The following UTRN variants were observed in gnomAD, a reference collection of about 807,000 sequenced individuals.
The protein encoded by UTRN is dystrophin-related protein 1.
Under a neutral mutation model 463.9 loss-of-function variants are expected in UTRN, and 283 were observed. The observed-to-expected ratio is 0.61, with a 90% confidence interval of 0.55 to 0.67. The LOEUF is 0.67. Among genes scored for constraint, UTRN ranks in the 30% least tolerant of loss-of-function variants. UTRN has a pLI of 0.00. For missense variants in UTRN, 3,922 were observed against 4,084.3 expected (o/e 0.96, Z 1.08); for synonymous variants, 1,442 against 1,431.5 (o/e 1.01, Z -0.17).
intron 2 of UTRN, among the ~76,000 whole-genome samples, chr6:144,335,393 A>C (rs1776640699): frequency 6.6e-6 from 1 of 152,210 alleles, no homozygotes; most frequent in Non-Finnish European, 1.5e-5. Context: ...TCTGTAGAGC[A>C]TTTTAATAAC....
chr6:144,427,014 C>A (rs1011592211), intron 7 of UTRN, among the ~76,000 whole-genome samples: 2 of 152,124 alleles, frequency 1.3e-5, no homozygotes, highest in African/African-American at 4.8e-5. Flanking sequence ...AATATACACA[C>A]CAATATAAGC....
Position 144,552,287 on chromosome 6 carries a change from G to GT in UTRN, c.6928+1207dup, listed in dbSNP as rs200357715. 3.7e-3 allele frequency among the ~76,000 whole-genome samples: 570 copies of GT among 152,296 alleles called. 1 individual carries two copies. Among genetic ancestry groups the GT allele is most frequent in the African/African-American group, 0.013 (553 of 41,568 alleles). ...AAAAGAACTTTTAATGTCTAACAGT[G>GT]TTGGCTTATTTTTACTAAATACATC... is the stretch of plus-strand genomic sequence containing the variant. On this transcript the variant is annotated intron_variant, in intron 48 of 74. Transcript: ENST00000367545.
At chr6:144,426,072 G>GT (rs1785268726) in intron 6 of UTRN, among the ~76,000 whole-genome samples, 1 of 152,138 alleles carries the variant, frequency 6.6e-6, no homozygotes. Flanking sequence ...TAAAAGTGAG[G>GT]TAAAAATCAC....
At chr6:144,744,330 G>GTC (rs1790448497) in intron 54 of UTRN, among the ~76,000 whole-genome samples, 1 of 105,338 alleles carries the variant, frequency 9.5e-6, no homozygotes, top group African/African-American at 3.5e-5. Flanking sequence ...ATGTGTGTGT[G>GTC]TGTGTGTGTG....
At chr6:144,301,422 C>G (rs906817438) in intron 2 of UTRN, among the ~76,000 whole-genome samples, 1 of 151,808 alleles carries the variant, frequency 6.6e-6, no homozygotes, top group African/African-American at 2.4e-5. Flanking sequence ...TCAGACATAC[C>G]TTATTCTGAG....
intron 18 of UTRN, 67 bp from the exon 19 acceptor site, chr6:144,453,715 T>C: frequency 4.9e-6 from 7 of 1,433,986 alleles, no homozygotes; most frequent in South Asian, 1.3e-5. Flanking sequence ...AACTTAAACA[T>C]TTAAAACAGC....
intron 66 of UTRN, among the ~76,000 whole-genome samples, chr6:144,824,420 A>G (rs1779864958): frequency 1.9e-5 from 1 of 53,438 alleles, no homozygotes; most frequent in South Asian, 7.6e-4. Flanking sequence ...ATATATATAT[A>G]CACACACACA....
intron 34 of UTRN, among the ~76,000 whole-genome samples, chr6:144,505,589 C>G (rs1794625358): frequency 6.6e-6 from 1 of 152,184 alleles, no homozygotes; most frequent in Admixed American, 6.5e-5. Context: ...ATCCTGAGTT[C>G]TAATTTGATT....
At chr6:144,359,237 G>A (rs1778828055) in intron 2 of UTRN, among the ~76,000 whole-genome samples, 1 of 152,178 alleles carries the variant, frequency 6.6e-6, no homozygotes. Flanking sequence ...GGGGATGCTG[G>A]ACAGCATACC....
chr6:144,363,964 GAT>G (rs1779291172), intron 2 of UTRN, among the ~76,000 whole-genome samples: 2 of 152,200 alleles, frequency 1.3e-5, no homozygotes. Context: ...TGGAGCATAA[GAT>G]ATTTTGTGAT....
At chr6:144,485,084 T>A (rs552141267) in intron 27 of UTRN, among the ~76,000 whole-genome samples, 164 of 149,694 alleles carry the variant, frequency 1.1e-3, no homozygotes, top group Middle Eastern at 3.4e-3. Flanking sequence ...GCTAATATTT[T>A]TATATATATA....
intron 10 of UTRN, among the ~76,000 whole-genome samples, chr6:144,436,926 A>G (rs1002564811): frequency 4.1e-5 from 6 of 145,670 alleles, no homozygotes; most frequent in Non-Finnish European, 9.0e-5. Flanking sequence ...ATATATGTAT[A>G]TGTATATGTG....
Position 144,836,307 on chromosome 6 carries a change from A to G in UTRN, c.9831A>G (p.Leu3277=), listed in dbSNP as rs781385851. 1 of 1,614,116 alleles carries G rather than the reference A, an allele frequency of 6.2e-7. No individual in the cohort carries two copies. Among genetic ancestry groups the G allele is most frequent in the East Asian group, 2.2e-5 (1 of 44,866 alleles). Residue 3277 remains leucine (L), a synonymous_variant, in exon 71 of 75, where the codon CTA becomes CTG. Transcript: ENST00000367545. The stretch of plus-strand genomic sequence containing the variant: ...CTCCCTCTTTCTGTATTAGAAATCT[A>G]CAGGTGGAGTATGAGCAGCTGAAGG... ...IADLEEEQRN[L]QVEYEQLKDQ... is the part of the protein sequence containing the mutation.
In UTRN at chr6:144,569,399, GA is replaced by G. The variant is rs972630404; in HGVS notation, c.7290-7699del. Among the ~76,000 whole-genome samples, 32 of 151,552 alleles carry G rather than the reference GA, an allele frequency of 2.1e-4. 1 individual carries two copies. The highest frequency in any genetic ancestry group is 7.8e-4 in the African/African-American group (32 of 41,232). On this transcript the variant is annotated intron_variant, in intron 50 of 74. Coordinates refer to ENST00000367545, the MANE Select transcript of UTRN (RefSeq NM_007124.3). ...TATATGCATTAAAAAAAAATTCCAGGACACTTATCATTAAATTTCACATTTG... is the reference window on the plus strand; with the variant it reads ...TATATGCATTAAAAAAAAATTCCAGGCACTTATCATTAAATTTCACATTTG...
intron 64 of UTRN, among the ~76,000 whole-genome samples, chr6:144,800,109 A>G (rs1777579391): frequency 6.6e-6 from 1 of 152,204 alleles, no homozygotes; most frequent in Non-Finnish European, 1.5e-5. Flanking sequence ...CATTGGTATA[A>G]CCTAGAGATG....
At chr6:144,750,920 C>A (rs1045808845) in intron 55 of UTRN, among the ~76,000 whole-genome samples, 1 of 152,090 alleles carries the variant, frequency 6.6e-6, no homozygotes, top group African/African-American at 2.4e-5. Flanking sequence ...GATTCTAGAC[C>A]TTGCTCAGAG....
rs753209709 is a variant in UTRN, at chr6:144,451,504, T to G, written c.2196+11T>G. 1.2e-6 allele frequency: 2 copies of G among 1,608,256 alleles called. No homozygotes were observed. The highest frequency in any genetic ancestry group is 3.4e-5 in the Admixed American group (2 of 59,192). ...AAAAAGAAGTTGAAGGTAAAAAACA[T>G]AAACCACATATATCCTAGTGCATAA... On this transcript the variant is annotated intron_variant, in intron 18 of 74. Coordinates refer to ENST00000367545, the MANE Select transcript of UTRN (RefSeq NM_007124.3).
intron 3 of UTRN, among the ~76,000 whole-genome samples, chr6:144,417,787 A>G (rs1258412521): frequency 6.6e-6 from 1 of 152,232 alleles, no homozygotes; most frequent in Non-Finnish European, 1.5e-5. Context: ...TCACTTTACA[A>G]CAAAAGGTAG....
At chr6:144,467,355 G>A (rs889537067) in intron 23 of UTRN, among the ~76,000 whole-genome samples, 1 of 152,194 alleles carries the variant, frequency 6.6e-6, no homozygotes, top group African/African-American at 2.4e-5. Flanking sequence ...ATCTCAGGCC[G>A]TCTTTTATTA....
Sources: allele counts gnomAD v4.1 joint callset (sites outside exome capture counted in the v4.1 genomes callset), GRCh38; gene constraint gnomAD v4.1.1; transcripts MANE v1.5; gene names NCBI Gene and HGNC (gene_info 2026-07-23, HGNC 2026-07-21).